The following TMEM178B variants were observed in gnomAD, a reference collection of about 807,000 sequenced individuals.
TMEM178B encodes transmembrane protein 178B.
Under a neutral mutation model 31.0 loss-of-function variants are expected in TMEM178B, and 5 were observed. The observed-to-expected ratio is 0.16, with a 90% confidence interval of 0.08 to 0.34. The LOEUF (loss-of-function observed/expected upper bound fraction) is 0.34, where lower values mean the gene tolerates loss of function less well. TMEM178B is among the 10% of genes least tolerant of loss of function. TMEM178B has a pLI of 1.00. For synonymous variants in TMEM178B, 164 were observed against 164.0 expected (o/e 1.00, Z 0.00); for missense variants, 275 against 400.3 (o/e 0.69, Z 2.67).
chr7:141,133,540 C>T (rs1177209884), intron 1 of TMEM178B, among the ~76,000 whole-genome samples: 1 of 151,848 alleles, frequency 6.6e-6, no homozygotes, highest in Non-Finnish European at 1.5e-5. Context: ...CCCAGTCAGA[C>T]TTAAAAAATA....
intron 1 of TMEM178B, among the ~76,000 whole-genome samples, chr7:141,201,529 G>A (rs1796877339): frequency 3.3e-5 from 5 of 152,138 alleles, no homozygotes; most frequent in Admixed American, 3.3e-4. Context: ...GTTTTACATG[G>A]GTTATCTCAT....
chr7:141,165,251 A>T (rs1586804678), intron 1 of TMEM178B, among the ~76,000 whole-genome samples: 2 of 152,038 alleles, frequency 1.3e-5, no homozygotes, highest in Admixed American at 6.5e-5. Flanking sequence ...ATATCTTCTT[A>T]GTCTCCTTCA....
downstream of TMEM178B, among the ~76,000 whole-genome samples, chr7:141,483,822 G>A (rs371537280): frequency 2.7e-5 from 4 of 150,348 alleles, no homozygotes; most frequent in South Asian, 2.1e-4. Flanking sequence ...TGCAAGCTCC[G>A]CCTCCCGAGT....
intron 1 of TMEM178B, among the ~76,000 whole-genome samples, chr7:141,180,140 G>A (rs1385587989): frequency 6.6e-6 from 1 of 152,180 alleles, no homozygotes; most frequent in African/African-American, 2.4e-5. Context: ...ATGTCAAAAT[G>A]GTAGAGGGGG....
At chr7:141,202,199 G>A (rs576566602) in intron 1 of TMEM178B, among the ~76,000 whole-genome samples, 47 of 152,268 alleles carry the variant, frequency 3.1e-4, no homozygotes, top group African/African-American at 1.1e-3. Context: ...AGTACTCAAA[G>A]CATCATTTTG....
rs563406102 is a variant in TMEM178B at position 141,112,759 on chromosome 7, A to G, written c.382+38067A>G. On this transcript the variant is annotated intron_variant, in intron 1 of 3. Transcript: ENST00000565468. The stretch of plus-strand genomic sequence containing the variant: ...AGAGTGGCGCTCTCTCTTTTTTATC[A>G]GAGAGAGGAGAACTCACCTGGACAC... Among the ~76,000 whole-genome samples the G allele has an allele frequency of 1.2e-4, 19 of 152,236 alleles. No individual in the cohort carries two copies. The South Asian group carries it at 3.5e-3, about 28-fold the overall frequency.
chr7:141,335,411 G>C (rs920205355), intron 2 of TMEM178B, among the ~76,000 whole-genome samples: 9 of 152,180 alleles, frequency 5.9e-5, no homozygotes, highest in African/African-American at 2.2e-4. Flanking sequence ...TGGAAATGAC[G>C]CTGCTTTAGA....
At chr7:141,321,002 C>CTTAA (rs1799089306) in intron 2 of TMEM178B, among the ~76,000 whole-genome samples, 1 of 152,168 alleles carries the variant, frequency 6.6e-6, no homozygotes, top group Admixed American at 6.5e-5. Context: ...TGGACCTACT[C>CTTAA]TTTAAGAGTC....
intron 2 of TMEM178B, among the ~76,000 whole-genome samples, chr7:141,374,729 G>A (rs1800181947): frequency 1.3e-5 from 2 of 152,086 alleles, no homozygotes; most frequent in Non-Finnish European, 2.9e-5. Context: ...ATTTTACTCC[G>A]GTGTTTACTT....
At chr7:141,325,715 C>T (rs1183162518) in intron 2 of TMEM178B, among the ~76,000 whole-genome samples, 2 of 152,158 alleles carry the variant, frequency 1.3e-5, no homozygotes, top group African/African-American at 4.8e-5. Context: ...CAGAAGCCCC[C>T]TCCTCCATTT....
chr7:141,291,777 C>A (rs1240828032), intron 2 of TMEM178B, among the ~76,000 whole-genome samples: 5 of 152,156 alleles, frequency 3.3e-5, no homozygotes, highest in African/African-American at 1.2e-4. Context: ...AAATTTTCAT[C>A]TTCTTACAAT....
At chr7:141,377,973 A>T (rs1351011856) in intron 2 of TMEM178B, among the ~76,000 whole-genome samples, 1 of 152,190 alleles carries the variant, frequency 6.6e-6, no homozygotes, top group Non-Finnish European at 1.5e-5. Context: ...TCTCAACTTT[A>T]TTCAGATTTC....
At chr7:141,447,473 C>G (rs935459114) in intron 3 of TMEM178B, among the ~76,000 whole-genome samples, 1 of 152,046 alleles carries the variant, frequency 6.6e-6, no homozygotes, top group Non-Finnish European at 1.5e-5. Flanking sequence ...AGAGATGACT[C>G]CGCCAAGAGC....
At chr7:141,133,296 T>C (rs1184083738) in intron 1 of TMEM178B, among the ~76,000 whole-genome samples, 2 of 151,874 alleles carry the variant, frequency 1.3e-5, no homozygotes, top group Non-Finnish European at 2.9e-5. Context: ...TTAAAGAAAC[T>C]CAATAAGATA....
chr7:141,503,463 C>T, the TMEM178B span, among the ~76,000 whole-genome samples: 8 of 152,144 alleles, frequency 5.3e-5, no homozygotes, highest in Admixed American at 5.2e-4. Context: ...ACAGTGTTAG[C>T]ATAGTGAAGG....
intron 2 of TMEM178B, among the ~76,000 whole-genome samples, chr7:141,306,967 G>A (rs1273533702): frequency 6.6e-6 from 1 of 152,100 alleles, no homozygotes; most frequent in Non-Finnish European, 1.5e-5. Context: ...CATATATAAT[G>A]GGACTGTCTT....
At chr7:141,383,697 A>G (rs1225942491) in intron 2 of TMEM178B, among the ~76,000 whole-genome samples, 1 of 152,160 alleles carries the variant, frequency 6.6e-6, no homozygotes, top group Non-Finnish European at 1.5e-5. Context: ...TTGTATCTTT[A>G]TAGCAGCATG....
At chr7:141,086,063 G>A (rs1249125857) in intron 1 of TMEM178B, among the ~76,000 whole-genome samples, 2 of 152,096 alleles carry the variant, frequency 1.3e-5, no homozygotes, top group African/African-American at 2.4e-5. Flanking sequence ...TTGAGACCGA[G>A]TCTTACTCTG....
intron 2 of TMEM178B, among the ~76,000 whole-genome samples, chr7:141,413,988 C>A (rs1360040523): frequency 1.3e-5 from 2 of 151,668 alleles, no homozygotes; most frequent in Non-Finnish European, 2.9e-5. Context: ...TGTTTATAAT[C>A]ATTATAATTA....
Sources: gnomAD v4.1 joint callset for allele counts (sites outside exome capture counted in the v4.1 genomes callset) on GRCh38, gnomAD v4.1.1 for gene constraint, MANE v1.5 for transcripts, NCBI Gene and HGNC (gene_info 2026-07-23, HGNC 2026-07-21) for gene names.